Variants in ERBB4 observed in about 807,000 individuals in gnomAD.
The protein encoded by ERBB4 is receptor tyrosine-protein kinase erbB-4.
In ERBB4, 42 loss-of-function variants were observed where a neutral mutation model predicts 158.0. The ratio of observed to expected loss-of-function variants is 0.27; its 90% CI spans 0.21 to 0.34. ERBB4 has a LOEUF of 0.34. Ranked by LOEUF, ERBB4 falls within the 10% of genes least tolerant of loss-of-function variation. The pLI is 1.00. For missense variants in ERBB4, 1,333 were observed against 1,624.1 expected (o/e 0.82, Z 3.08); for synonymous variants, 583 against 558.7 (o/e 1.04, Z -0.61).
intron 1 of ERBB4, among the ~76,000 whole-genome samples, chr2:212,407,792 A>G (rs2091389816): frequency 6.6e-6 from 1 of 152,112 alleles, no homozygotes; most frequent in South Asian, 2.1e-4. Flanking sequence ...CTGACATATT[A>G]TACTATTCTA....
At chr2:212,117,596 C>T (rs2079608640) in intron 2 of ERBB4, among the ~76,000 whole-genome samples, 1 of 152,126 alleles carries the variant, frequency 6.6e-6, no homozygotes, top group Non-Finnish European at 1.5e-5. Context: ...ATCAGGAATA[C>T]AAATTCAGGC....
At chr2:211,860,515 T>C (rs2077984037) in intron 3 of ERBB4, among the ~76,000 whole-genome samples, 2 of 152,138 alleles carry the variant, frequency 1.3e-5, no homozygotes, top group African/African-American at 4.8e-5. Flanking sequence ...CTGGGTTTTA[T>C]TGTACACTAC....
intron 3 of ERBB4, among the ~76,000 whole-genome samples, chr2:211,868,173 A>C (rs569293609): frequency 6.6e-6 from 1 of 152,358 alleles, no homozygotes; most frequent in African/African-American, 2.4e-5. Flanking sequence ...GGAAAGTTAA[A>C]TATGGTATTT....
chr2:211,430,065 T>G (rs1360834114), intron 21 of ERBB4, among the ~76,000 whole-genome samples: 1 of 152,096 alleles, frequency 6.6e-6, no homozygotes, highest in Non-Finnish European at 1.5e-5. Flanking sequence ...TATTTTGCCT[T>G]GTGATAAAGT....
At chr2:212,075,966 CT>C (rs1194604723) in intron 2 of ERBB4, among the ~76,000 whole-genome samples, 2 of 151,780 alleles carry the variant, frequency 1.3e-5, no homozygotes, top group African/African-American at 4.8e-5. Flanking sequence ...ATATGTCTTA[CT>C]TTTTTGTAAT....
chr2:212,132,065 G>A (rs2080121745), intron 1 of ERBB4, among the ~76,000 whole-genome samples: 1 of 152,064 alleles, frequency 6.6e-6, no homozygotes, highest in Non-Finnish European at 1.5e-5. Flanking sequence ...AACATAAGAT[G>A]TATTACTTTA....
intron 5 of ERBB4, among the ~76,000 whole-genome samples, chr2:211,749,374 T>A (rs891966776): frequency 2.2e-4 from 33 of 152,184 alleles, no homozygotes; most frequent in African/African-American, 7.7e-4. Context: ...CAAAACATGC[T>A]AATATTTGAA....
chr2:212,497,315 G>A (rs760142434), intron 1 of ERBB4, among the ~76,000 whole-genome samples: 10 of 152,018 alleles, frequency 6.6e-5, no homozygotes, highest in Non-Finnish European at 1.2e-4. Flanking sequence ...CTGTTGCCCA[G>A]GTTGGAGTCC....
intron 2 of ERBB4, among the ~76,000 whole-genome samples, chr2:212,078,098 T>G (rs1167844725): frequency 6.6e-6 from 1 of 152,074 alleles, no homozygotes. Context: ...AATAGTATTA[T>G]CAATTATTTA....
rs2062588397 is a variant in ERBB4 at position 211,382,393 on chromosome 2, G to C, written c.*1222C>G. The C allele has an allele frequency of 4.3e-6, 1 of 232,506 alleles. No homozygotes were observed. Among genetic ancestry groups the C allele is most frequent in the Non-Finnish European group, 8.5e-6 (1 of 117,472 alleles). 14.4% of individuals were successfully genotyped at this position (232,506 alleles called of 1,614,324 possible). On this transcript the variant is annotated 3_prime_UTR_variant, in exon 28 of 28. Transcript: ENST00000342788. ...GCAAGGTTCCTAATTTGCTTGGTTT[G>C]GCATTTCCACAGTCTTTATCTTAGC...
At chr2:212,240,647 A>AAAAAAAAAAAAAAAAAAAAAC (rs2084058869) in intron 1 of ERBB4, among the ~76,000 whole-genome samples, 1 of 112,616 alleles carries the variant, frequency 8.9e-6, no homozygotes, top group Non-Finnish European at 2.0e-5. Context: ...CAAAAAAAAA[A>AAAAAAAAAAAAAAAAAAAAAC]AAAAAAAAAA....
intron 1 of ERBB4, among the ~76,000 whole-genome samples, chr2:212,373,203 T>A (rs1377961905): frequency 6.6e-6 from 1 of 152,132 alleles, no homozygotes; most frequent in Non-Finnish European, 1.5e-5. Flanking sequence ...GAAAGTAGCA[T>A]TATATTATCC....
chr2:211,537,837 T>C (rs577041061), intron 20 of ERBB4, among the ~76,000 whole-genome samples: 3 of 152,106 alleles, frequency 2.0e-5, no homozygotes, highest in Admixed American at 2.0e-4. Flanking sequence ...TGTGTAGTTG[T>C]AATACAAAAG....
chr2:212,459,431 T>A (rs1416631297), intron 1 of ERBB4, among the ~76,000 whole-genome samples: 2 of 151,934 alleles, frequency 1.3e-5, no homozygotes, highest in Non-Finnish European at 2.9e-5. Context: ...TGTAAAGCAC[T>A]GATGAAAAAA....
chr2:211,836,309 G>C (rs757203946), intron 3 of ERBB4, among the ~76,000 whole-genome samples: 17 of 152,024 alleles, frequency 1.1e-4, no homozygotes, highest in Non-Finnish European at 2.2e-4. Flanking sequence ...CACACTTTCA[G>C]ATCATAAGGT....
chr2:212,230,498 G>A (rs2083625128), intron 1 of ERBB4, among the ~76,000 whole-genome samples: 1 of 152,028 alleles, frequency 6.6e-6, no homozygotes, highest in South Asian at 2.1e-4. Flanking sequence ...CAAATTCATT[G>A]TCAAACACCA....
chr2:211,982,385 CAA>C (rs923810395), intron 2 of ERBB4, among the ~76,000 whole-genome samples: 1 of 151,440 alleles, frequency 6.6e-6, no homozygotes, highest in Non-Finnish European at 1.5e-5. Flanking sequence ...CTGTAGAAAA[CAA>C]AAAAACAAAA....
intron 1 of ERBB4, among the ~76,000 whole-genome samples, chr2:212,339,474 C>G (rs2088601064): frequency 6.6e-6 from 1 of 152,106 alleles, no homozygotes. Flanking sequence ...ACTGGTTTAA[C>G]CCTAGGGTCA....
chr2:212,003,322 TAAA>T (rs71054161), intron 2 of ERBB4, among the ~76,000 whole-genome samples: 6 of 130,252 alleles, frequency 4.6e-5, no homozygotes, highest in Non-Finnish European at 1.0e-4. Context: ...AGCTGAATGG[TAAA>T]AAAAAAAAAA....
Sources: gnomAD v4.1 joint callset for allele counts (sites outside exome capture counted in the v4.1 genomes callset) on GRCh38, gnomAD v4.1.1 for gene constraint, MANE v1.5 for transcripts, NCBI Gene and HGNC (gene_info 2026-07-23, HGNC 2026-07-21) for gene names.